Variants in MLXIPL observed in about 807,000 individuals in gnomAD.
The protein encoded by MLXIPL is carbohydrate-responsive element-binding protein.
MLXIPL carries 49 observed loss-of-function variants against 81.5 expected under a neutral mutation model. That is an observed-to-expected ratio of 0.60 (90% CI 0.48 to 0.76). MLXIPL has a LOEUF of 0.76. Among genes scored for constraint, MLXIPL ranks in the 30% least tolerant of loss-of-function variants. The pLI, the probability that MLXIPL is intolerant of heterozygous loss-of-function variation, is 0.00. For synonymous variants in MLXIPL, 466 were observed against 485.5 expected (o/e 0.96, Z 0.53); for missense variants, 1,053 against 1,167.0 (o/e 0.90, Z 1.42).
At position 73,596,757 on chromosome 7, in the gene MLXIPL, G is replaced by C. The variant is rs782383756; in HGVS notation, c.1704C>G (p.Phe568Leu). The C allele has an allele frequency of 2.5e-6, 4 of 1,601,392 alleles. No homozygotes were observed. Among genetic ancestry groups the C allele is most frequent in the Non-Finnish European group, 3.4e-6 (4 of 1,175,196 alleles). The change falls in exon 11 of 17, where the codon TTC becomes TTG. Residue 568 changes from phenylalanine (F) to leucine (L), a missense_variant. This residue lies in a region of MLXIPL where 823 missense variants were observed against 933.0 expected (regional missense o/e 0.88). Coordinates refer to ENST00000313375, the MANE Select transcript of MLXIPL (RefSeq NM_032951.3). This position sits in a 1 kb window ranked among gnomAD's most constrained non-coding sequence, Gnocchi z 4.7. ...GTGTAGGGGCCGGGGTCGGGGGAAG[G>C]AATGTGCAGGGGAATTCAGGGACTG... ...QETVPEFPCT[F>L]LPPTPAPTPP...
At position 73,595,695 on chromosome 7, in the gene MLXIPL, C is replaced by T. The variant is rs1323230829; in HGVS notation, c.2252G>A (p.Arg751Gln). 59 of 1,613,988 alleles carry T rather than the reference C, an allele frequency of 3.7e-5. No homozygotes were observed. Among genetic ancestry groups the T allele is most frequent in the Non-Finnish European group, 4.7e-5 (55 of 1,179,992 alleles). Residue 751 changes from arginine (R) to glutamine (Q), a missense_variant, in exon 15 of 17, where the codon CGA becomes CAA. Arg to Gln is a conservative substitution (Grantham distance 43, BLOSUM62 1). Around this residue, in one of 3 missense-constraint regions of MLXIPL, gnomAD observed 823 missense variants for 933.0 expected, o/e 0.88. Transcript: ENST00000313375. ...TCGGACGTAGTCATCAAACATGTCT[C>T]GCATCTGGTCAAAACGCTGGTGTGT... ...PITHQRFDQMRDMFDDYVRTR... is the reference protein window; with the variant it reads ...PITHQRFDQMQDMFDDYVRTR...
In MLXIPL at chr7:73,597,223, G is replaced by T. The variant is rs372922241; in HGVS notation, c.1562C>A (p.Ala521Glu). ...TGTGAGGCAGGGGTTGTTGCTCCCC[G>T]CAGTGGTGGGGGGACTGGCAGTGGC... ...APATASPPTT[A>E]GSNNPCLTQL... The change falls in exon 9 of 17, where the codon GCG becomes GAG. Residue 521 changes from alanine to glutamate, a missense_variant. Ala to Glu is a moderately radical substitution (Grantham distance 107). Transcript: ENST00000313375. The T allele has an allele frequency of 1.9e-6, 3 of 1,604,406 alleles. No individual in the cohort carries two copies. Among genetic ancestry groups the T allele is most frequent in the Non-Finnish European group, 2.5e-6 (3 of 1,177,812 alleles).
chr7:73,605,597 C>G (rs1795207589), intron 7 of MLXIPL, 91 bp downstream of exon 7: 1 of 1,146,714 alleles, frequency 8.7e-7, no homozygotes, highest in Non-Finnish European at 1.3e-6. Flanking sequence ...CCCAGACTAT[C>G]AGCCCTCCCA....
upstream of MLXIPL, among the ~76,000 whole-genome samples, chr7:73,627,397 T>C (rs1361561841): frequency 2.6e-5 from 4 of 152,048 alleles, no homozygotes; most frequent in Non-Finnish European, 1.5e-5. Context: ...TACAGGCGTG[T>C]AACACCATGC....
intron 1 of MLXIPL, among the ~76,000 whole-genome samples, chr7:73,619,071 C>T (rs1160956910): frequency 1.3e-5 from 2 of 152,026 alleles, no homozygotes; most frequent in Non-Finnish European, 2.9e-5. Flanking sequence ...CACCTGTAAT[C>T]CCAGCACTTT....
chr7:73,595,996 G>C, intron 13 of MLXIPL, 27 bp from the exon 14 acceptor site: 1 of 1,611,218 alleles, frequency 6.2e-7, no homozygotes, highest in Non-Finnish European at 8.5e-7. Flanking sequence ...GGGGGCTCAG[G>C]CAGGTGCTAG....
chr7:73,641,984 G>A, the MLXIPL span, among the ~76,000 whole-genome samples: 1 of 152,070 alleles, frequency 6.6e-6, no homozygotes, highest in African/African-American at 2.4e-5. Flanking sequence ...CAAGTTATGG[G>A]CTTATTCCCA....
At chr7:73,638,148 G>C in the MLXIPL span, among the ~76,000 whole-genome samples, 4 of 152,262 alleles carry the variant, frequency 2.6e-5, no homozygotes, top group South Asian at 2.1e-4. Flanking sequence ...GCCCTTGGCA[G>C]GAACCATAGC....
At chr7:73,637,629 T>C in the MLXIPL span, among the ~76,000 whole-genome samples, 19 of 151,814 alleles carry the variant, frequency 1.3e-4, no homozygotes, top group Admixed American at 1.2e-3. Flanking sequence ...ATGGTCCCCA[T>C]TGCCCCGTTG....
Position 73,604,775 on chromosome 7 carries a change from A to T in MLXIPL, c.901+913T>A, listed in dbSNP as rs141897831. Among the ~76,000 whole-genome samples the T allele has an allele frequency of 4.1e-3, 628 of 151,824 alleles. 2 individuals are homozygous for T. The highest frequency in any genetic ancestry group is 0.013 in the African/African-American group (552 of 41,382). ...GTAAATAGTTTTATTTTTTATTTTAATTTTTTTGAGACAGAGTCTTGCTCT... is the reference window on the plus strand; with the variant it reads ...GTAAATAGTTTTATTTTTTATTTTATTTTTTTTGAGACAGAGTCTTGCTCT... On this transcript the variant is annotated intron_variant, in intron 7 of 16. Coordinates refer to ENST00000313375, the MANE Select transcript of MLXIPL (RefSeq NM_032951.3).
rs782806301 is a variant in MLXIPL, at chr7:73,599,558, T to C, written c.1039A>G (p.Met347Val). The C allele has an allele frequency of 2.2e-5, 35 of 1,612,910 alleles. No homozygotes were observed. In the East Asian group the frequency reaches 7.4e-4, roughly 34 times the overall value. Residue 347 changes from methionine to valine, a missense_variant, in exon 8 of 17, where the codon ATG (methionine) becomes GTG (valine). By Grantham distance (21) the Met-to-Val change is conservative. This residue lies in a region of MLXIPL where 823 missense variants were observed against 933.0 expected (regional missense o/e 0.88). Transcript: ENST00000313375. ...GPEVPPASSA[M>V]THLSGHSRLQ... Reference sequence around the variant, plus strand: ...CGGCTGTGTCCAGAGAGGTGGGTCATGGCCGAGGAAGCCGGGGGCACCTCT... The same window carrying C: ...CGGCTGTGTCCAGAGAGGTGGGTCACGGCCGAGGAAGCCGGGGGCACCTCT...
chr7:73,617,860 C>T (rs1025990971), intron 1 of MLXIPL, among the ~76,000 whole-genome samples: 3 of 152,098 alleles, frequency 2.0e-5, no homozygotes, highest in Non-Finnish European at 4.4e-5. Flanking sequence ...AAAAAAAAAT[C>T]CACTGGATGG....
chr7:73,607,321 C>T lies in MLXIPL; in HGVS notation c.573+10G>A. 1.3e-6 allele frequency: 2 copies of T among 1,559,306 alleles called. No individual in the cohort carries two copies. Among genetic ancestry groups the T allele is most frequent in the Non-Finnish European group, 1.7e-6 (2 of 1,150,964 alleles). The stretch of plus-strand genomic sequence containing the variant: ...AAGCTCTGGGGCCTCCCTGGCCCTC[C>T]CCCACTGACCCGCTTCTTGTAGTAG... On this transcript the variant is annotated intron_variant, in intron 4 of 16. Coordinates refer to ENST00000313375, the MANE Select transcript of MLXIPL (RefSeq NM_032951.3).
At chr7:73,610,248 G>A (rs1685105297) in intron 2 of MLXIPL, 1 of 152,062 alleles carries the variant, frequency 6.6e-6, no homozygotes, top group Admixed American at 6.6e-5. Flanking sequence ...TCACCCCTTG[G>A]CCTGGTGTCA....
In MLXIPL at chr7:73,623,467, A is replaced by G. The variant is rs1432776675; in HGVS notation, c.293+733T>C. ...GCGCGGCCTGTGCGCTCTCGGTGGC[A>G]CTAAGCGGGGGTCCCAGGCAGCGAC... is the stretch of plus-strand genomic sequence containing the variant. On this transcript the variant is annotated intron_variant, in intron 1 of 16. Coordinates refer to ENST00000313375, the MANE Select transcript of MLXIPL (RefSeq NM_032951.3). The surrounding 1 kb of genome is among the most constrained non-coding windows in gnomAD (Gnocchi z 5.7). Among the ~76,000 whole-genome samples, 2 of 149,988 alleles carry G rather than the reference A, an allele frequency of 1.3e-5. No individual in the cohort carries two copies. The highest frequency in any genetic ancestry group is 4.0e-4 in the East Asian group (2 of 5,006).
rs1361060438 is a variant in MLXIPL at position 73,597,508 on chromosome 7, T to A, written c.1277A>T (p.Gln426Leu). 14 of 1,384,592 alleles carry A rather than the reference T, an allele frequency of 1.0e-5. No individual in the cohort carries two copies. The highest frequency in any genetic ancestry group is 1.3e-5 in the Non-Finnish European group (14 of 1,067,342). 85.8% of individuals were successfully genotyped at this position (1,384,592 alleles called of 1,614,324 possible). ...PPMAPPTALL[Q>L]EEPLFSPRFP... ...CCTGGGAGAGAAGAGAGGCTCTTCC[T>A]GCAGCAAAGCAGTGGGTGGTGCCAT... is the stretch of plus-strand genomic sequence containing the variant. The change falls in exon 9 of 17, where the codon CAG (glutamine) becomes CTG (leucine). Residue 426 changes from glutamine to leucine, a missense_variant. Coordinates refer to ENST00000313375, the MANE Select transcript of MLXIPL (RefSeq NM_032951.3).
At chr7:73,632,735 C>CTTCCTTCT in the MLXIPL span, among the ~76,000 whole-genome samples, 8 of 142,042 alleles carry the variant, frequency 5.6e-5, no homozygotes, top group African/African-American at 1.3e-4. Flanking sequence ...CCTTTCATTC[C>CTTCCTTCT]TTCCTTCTTT....
chr7:73,620,797 T>G (rs1796300469), intron 1 of MLXIPL, among the ~76,000 whole-genome samples: 1 of 148,486 alleles, frequency 6.7e-6, no homozygotes. Context: ...ATACCTGTAA[T>G]CCCAGCACTT....
At chr7:73,638,199 C>T in the MLXIPL span, among the ~76,000 whole-genome samples, 3 of 152,170 alleles carry the variant, frequency 2.0e-5, no homozygotes, top group Admixed American at 2.0e-4. Context: ...CTGAGGGAGA[C>T]TAGATGAACA....
Sources: allele counts gnomAD v4.1 joint callset (sites outside exome capture counted in the v4.1 genomes callset), GRCh38; gene constraint gnomAD v4.1.1; regional missense constraint gnomAD v4.1.1; non-coding constraint Gnocchi (gnomAD v3.1); transcripts MANE v1.5; gene names NCBI Gene and HGNC (gene_info 2026-07-23, HGNC 2026-07-21).